TCAF1: variants seen among roughly 807,000 people sequenced by gnomAD.
TCAF1 encodes TRPM8 channel-associated factor 1.
TCAF1 carries 4 observed loss-of-function variants against 27.3 expected under a neutral mutation model. That is an observed-to-expected ratio of 0.15 (90% confidence interval 0.07 to 0.34). TCAF1 has a LOEUF of 0.34. Ranked by LOEUF, TCAF1 falls within the 10% of genes least tolerant of loss-of-function variation. The pLI is 1.00. For synonymous variants in TCAF1, 105 were observed against 167.1 expected (o/e 0.63, Z 2.87); for missense variants, 257 against 425.8 (o/e 0.60, Z 3.49).
intron 4 of TCAF1, among the ~76,000 whole-genome samples, chr7:143,861,829 CT>C (rs1437660399): frequency 1.4e-5 from 1 of 69,396 alleles, no homozygotes; most frequent in Non-Finnish European, 2.9e-5. Flanking sequence ...TCCTAGGATT[CT>C]TTTCCCTGGG....
At chr7:143,883,610 A>C (rs971687047) in intron 1 of TCAF1, among the ~76,000 whole-genome samples, 2 of 147,868 alleles carry the variant, frequency 1.4e-5, no homozygotes, top group African/African-American at 5.0e-5. Context: ...AGTTCAAGAG[A>C]TTCTCCTGCC....
At chr7:143,899,599 T>G (rs1459160144) in intron 1 of TCAF1, among the ~76,000 whole-genome samples, 1 of 152,180 alleles carries the variant, frequency 6.6e-6, no homozygotes, top group African/African-American at 2.4e-5. Flanking sequence ...CAAGAAAAGC[T>G]ATAAAAGAAA....
intron 2 of TCAF1, among the ~76,000 whole-genome samples, chr7:143,875,440 C>G (rs911567175): frequency 3.3e-5 from 5 of 152,182 alleles, no homozygotes; most frequent in African/African-American, 9.7e-5. Context: ...TCACCTGACT[C>G]CTTCATTACT....
At chr7:143,880,819 A>C (rs1050473786) in intron 1 of TCAF1, among the ~76,000 whole-genome samples, 1 of 152,120 alleles carries the variant, frequency 6.6e-6, no homozygotes, top group African/African-American at 2.4e-5. Flanking sequence ...CCATCACTTG[A>C]CTTTTGAACC....
chr7:143,882,729 C>T (rs1052851900), intron 1 of TCAF1: 3 of 985,700 alleles, frequency 3.0e-6, no homozygotes, highest in Admixed American at 1.2e-4. Context: ...TGGAGAGGGC[C>T]ACTCACCAGG....
chr7:143,876,229 A>G lies in TCAF1; in HGVS notation c.380T>C (p.Ile127Thr), dbSNP rs78357950. ...TGTCATGGTTTCATTGTAGGCATCA[A>G]TACAGTAAACCCCCAGGGAGTCTTT... ...EVKDSLGVYC[I>T]DAYNETMTEK... The change falls in exon 2 of 9, where the codon ATT (isoleucine) becomes ACT (threonine). Residue 127 changes from isoleucine to threonine, a missense_variant. By Grantham distance (89) the Ile-to-Thr change is moderately conservative. Transcript: ENST00000479870. The G allele has an allele frequency of 1.6e-5, 26 of 1,614,162 alleles. No homozygotes were observed. Among genetic ancestry groups the G allele is most frequent in the Non-Finnish European group, 2.1e-5 (25 of 1,180,030 alleles).
intron 1 of TCAF1, among the ~76,000 whole-genome samples, chr7:143,884,581 G>C (rs988185692): frequency 6.6e-6 from 1 of 151,998 alleles, no homozygotes; most frequent in Non-Finnish European, 1.5e-5. Context: ...ACTGAATCTC[G>C]TGCAAAAATT....
At chr7:143,895,783 A>G (rs1465401227) in intron 1 of TCAF1, among the ~76,000 whole-genome samples, 1 of 151,738 alleles carries the variant, frequency 6.6e-6, no homozygotes. Context: ...AAGTATGCTA[A>G]ATTAAATCTG....
chr7:143,889,131 G>A (rs922619398), intron 1 of TCAF1, among the ~76,000 whole-genome samples: 22 of 152,030 alleles, frequency 1.4e-4, no homozygotes, highest in African/African-American at 2.2e-4. Context: ...GTCTAAAATC[G>A]AAAAAATGAT....
At chr7:143,900,804 C>A (rs1026826106) in intron 1 of TCAF1, among the ~76,000 whole-genome samples, 2 of 152,130 alleles carry the variant, frequency 1.3e-5, no homozygotes, top group Non-Finnish European at 2.9e-5. Context: ...AAATTATGTA[C>A]ATTTACACCT....
chr7:143,890,749 G>T (rs776739148), intron 1 of TCAF1, among the ~76,000 whole-genome samples: 2 of 152,200 alleles, frequency 1.3e-5, no homozygotes, highest in Non-Finnish European at 2.9e-5. Flanking sequence ...ACCAGGTGGA[G>T]CTCAAAGGGC....
intron 2 of TCAF1, among the ~76,000 whole-genome samples, chr7:143,868,528 CTAACTT>C (rs1193900736): frequency 1.3e-5 from 1 of 79,064 alleles, no homozygotes; most frequent in Admixed American, 1.6e-4. Flanking sequence ...AGGAAATGCT[CTAACTT>C]TATGTTTAAA....
At chr7:143,899,164 G>T (rs1814011976) in intron 1 of TCAF1, among the ~76,000 whole-genome samples, 2 of 152,120 alleles carry the variant, frequency 1.3e-5, no homozygotes, top group Admixed American at 1.3e-4. Context: ...ATTCCAACAG[G>T]TTTATTTGCT....
In TCAF1 at chr7:143,876,378, G is replaced by A; in HGVS notation, c.231C>T (p.Leu77=). 1 of 1,614,160 alleles carries A rather than the reference G, an allele frequency of 6.2e-7. No individual in the cohort carries two copies. ...AGCAAAGCCACCCCACTGCGTTCAG[G>A]AGAAAGGGCGTGAGCTGGGCTTCCA... ...YLVEAQLTPF[L]LNAVGWLCSS... Residue 77 remains leucine, a synonymous_variant, in exon 2 of 9, where the codon CTC becomes CTT. Coordinates refer to ENST00000479870, the MANE Select transcript of TCAF1 (RefSeq NM_014719.3).
intron 1 of TCAF1, chr7:143,882,662 C>G (rs1050269870): frequency 1.3e-5 from 13 of 985,100 alleles, no homozygotes; most frequent in East Asian, 2.3e-4. Flanking sequence ...CCCTCCCCCC[C>G]GCAGCACCCA....
chr7:143,881,260 A>G (rs1813003741), intron 1 of TCAF1, among the ~76,000 whole-genome samples: 1 of 152,256 alleles, frequency 6.6e-6, no homozygotes, highest in Non-Finnish European at 1.5e-5. Context: ...ATGAATAGAC[A>G]TTCCATGTCT....
chr7:143,852,811 CCT>C lies in TCAF1; in HGVS notation c.*1320_*1321del, dbSNP rs1419691823. On this transcript the variant is annotated 3_prime_UTR_variant, in exon 9 of 9. Transcript: ENST00000479870. ...TGTCTAGATGTAGATTGTATTGGGC[CCT>C]CTCAATCTGGAGACTTAGCTTGCTC... 6.7e-6 allele frequency: 1 copy of C among 149,608 alleles called. No homozygotes were observed. The highest frequency in any genetic ancestry group is 2.5e-5 in the African/African-American group (1 of 40,050). The allele number at this position is 149,608 out of a possible 1,614,324, so 9.3% of individuals were successfully genotyped here.
chr7:143,860,026 ATTAT>A (rs1361472929), intron 6 of TCAF1, among the ~76,000 whole-genome samples, 178 bp downstream of exon 6: 2,770 of 63,520 alleles, frequency 0.044, 147 homozygotes, highest in Middle Eastern at 0.093. Flanking sequence ...TATATTATAT[ATTAT>A]ATATATAATA....
At chr7:143,889,371 AAAG>A (rs1813549069) in intron 1 of TCAF1, among the ~76,000 whole-genome samples, 1 of 149,284 alleles carries the variant, frequency 6.7e-6, no homozygotes, top group Non-Finnish European at 1.5e-5. Context: ...GTAGTGAATT[AAAG>A]AAGAGAAGAC....
Sources: allele counts gnomAD v4.1 joint callset (sites outside exome capture counted in the v4.1 genomes callset), GRCh38; gene constraint gnomAD v4.1.1; transcripts MANE v1.5; gene names NCBI Gene and HGNC (gene_info 2026-07-23, HGNC 2026-07-21).